Variants in ARID1B observed in about 807,000 individuals in gnomAD.
ARID1B encodes the protein AT-rich interaction domain 1B.
In ARID1B, 30 loss-of-function variants were observed where a neutral mutation model predicts 212.3. The observed-to-expected ratio is 0.14, with a 90% CI of 0.11 to 0.19. The LOEUF is 0.19. ARID1B is among the 10% of genes least tolerant of loss of function. The pLI is 1.00. For synonymous variants in ARID1B, 1,402 were observed against 1,301.7 expected (o/e 1.08, Z -1.66); for missense variants, 2,891 against 3,204.0 (o/e 0.90, Z 2.36).
intron 6 of ARID1B, among the ~76,000 whole-genome samples, chr6:157,130,384 A>G (rs1268873702): frequency 6.6e-6 from 1 of 152,214 alleles, no homozygotes; most frequent in Non-Finnish European, 1.5e-5. Flanking sequence ...ACAGGACTCT[A>G]TCTGAAACAC....
intron 4 of ARID1B, among the ~76,000 whole-genome samples, chr6:157,075,494 A>G (rs930475673): frequency 1.3e-5 from 2 of 152,218 alleles, no homozygotes; most frequent in African/African-American, 4.8e-5. Flanking sequence ...TACATCCACA[A>G]AATTTTTGAT....
At chr6:157,173,171 A>C (rs1583449720) in intron 9 of ARID1B, 1 of 152,206 alleles carries the variant, frequency 6.6e-6, no homozygotes, top group East Asian at 1.9e-4. Flanking sequence ...AGAAATCTAA[A>C]CCCATATTTT....
chr6:157,181,307 T>C (rs940640528), intron 12 of ARID1B, 129 bp downstream of exon 12: 8 of 1,187,938 alleles, frequency 6.7e-6, no homozygotes, highest in Non-Finnish European at 9.3e-6. Context: ...GAAAGTCGCC[T>C]TCTTGCAACC....
rs1164802270 is a variant in ARID1B, at chr6:157,206,970, G to T, written c.6198G>T (p.Lys2066Asn). 1.2e-6 allele frequency: 2 copies of T among 1,614,240 alleles called. No homozygotes were observed. Among genetic ancestry groups the T allele is most frequent in the Admixed American group, 1.7e-5 (1 of 60,024 alleles). ...CGCACTGGCAGGACTCGCTGGCTAA[G>T]CGATGCATCTGTGTGTCCAATATTG... is the stretch of plus-strand genomic sequence containing the variant. ...TIAHWQDSLA[K>N]RCICVSNIVR... Residue 2066 changes from lysine to asparagine, a missense_variant, in exon 20 of 20, where the codon AAG becomes AAT. Physicochemically the swap from Lys to Asn is moderately conservative, Grantham distance 94. Coordinates refer to ENST00000636930, the MANE Select transcript of ARID1B (RefSeq NM_001374828.1). The surrounding 1 kb of genome is among the most constrained non-coding windows in gnomAD (Gnocchi z 6.8).
At chr6:157,192,649 A>G (rs1261560876) in intron 15 of ARID1B, among the ~76,000 whole-genome samples, 1 of 152,216 alleles carries the variant, frequency 6.6e-6, no homozygotes, top group African/African-American at 2.4e-5. Context: ...GAGCCATCCT[A>G]CTTTGGTGAC....
intron 1 of ARID1B, among the ~76,000 whole-genome samples, chr6:156,805,750 A>G (rs541469650): frequency 6.6e-6 from 1 of 152,206 alleles, no homozygotes; most frequent in Admixed American, 6.5e-5. Flanking sequence ...ATTGTAACTC[A>G]CTGCAGCGTG....
chr6:157,163,424 G>A (rs745372426), intron 8 of ARID1B, among the ~76,000 whole-genome samples: 7 of 152,190 alleles, frequency 4.6e-5, no homozygotes, highest in Non-Finnish European at 8.8e-5. Context: ...AATCAGTGGC[G>A]TGCAGTGCGA....
At chr6:157,174,175 C>T (rs535551494) in intron 10 of ARID1B, 58 bp downstream of exon 10, 21 of 1,489,674 alleles carry the variant, frequency 1.4e-5, no homozygotes, top group Admixed American at 8.4e-5. Flanking sequence ...GCTGCCATGT[C>T]GTTCTCTCTT....
intron 11 of ARID1B, among the ~76,000 whole-genome samples, chr6:157,177,876 G>A (rs1792208682): frequency 6.6e-6 from 1 of 152,210 alleles, no homozygotes; most frequent in African/African-American, 2.4e-5. Flanking sequence ...GAGTTTGTTT[G>A]CCTACTGTCA....
At chr6:157,126,281 T>C (rs888788773) in intron 6 of ARID1B, among the ~76,000 whole-genome samples, 8 of 152,188 alleles carry the variant, frequency 5.3e-5, no homozygotes, top group African/African-American at 1.9e-4. Flanking sequence ...GAGCAAGATG[T>C]GCGTTCTTCA....
intron 4 of ARID1B, among the ~76,000 whole-genome samples, chr6:157,016,575 G>A (rs1039609192): frequency 2.1e-4 from 32 of 152,138 alleles, no homozygotes; most frequent in East Asian, 1.3e-3. Context: ...CCTACATCCC[G>A]AAGATGTGCC....
Position 156,779,525 on chromosome 6 carries a change from G to A in ARID1B, c.1791+54G>A, listed in dbSNP as rs1354417559. On this transcript the variant is annotated intron_variant, in intron 1 of 19. Coordinates refer to ENST00000636930, the MANE Select transcript of ARID1B (RefSeq NM_001374828.1). ...CCGCCCGGCGGCCTCGCCGCGCCGC[G>A]AGCCTGAGTTTCTTTCTTTGCCGCG... 12 of 1,250,862 alleles carry A rather than the reference G, an allele frequency of 9.6e-6. No individual in the cohort carries two copies. The African/African-American group carries it at 1.1e-4, about 12-fold the overall frequency. The allele number at this position is 1,250,862 out of a possible 1,614,324, so 77.5% of individuals were successfully genotyped here. A position where few individuals can be genotyped will look rare whatever the true frequency, so the allele number is the denominator to read the frequency against.
Position 157,094,770 on chromosome 6 carries a change from G to A in ARID1B, c.2491+9865G>A, listed in dbSNP as rs1400848407. 6.6e-6 allele frequency among the ~76,000 whole-genome samples: 1 copy of A among 152,174 alleles called. No homozygotes were observed. Among genetic ancestry groups the A allele is most frequent in the East Asian group, 1.9e-4 (1 of 5,190 alleles). On this transcript the variant is annotated intron_variant, in intron 5 of 19. Transcript: ENST00000636930. The surrounding 1 kb of genome is among the most constrained non-coding windows in gnomAD (Gnocchi z 4.3). ...GTGGCTGCTAAGTGGACAGTATACT[G>A]TAGGGGAAGGTGGGAGCAGAGACAT...
chr6:156,851,389 T>C (rs1373068400), intron 2 of ARID1B, among the ~76,000 whole-genome samples: 1 of 152,236 alleles, frequency 6.6e-6, no homozygotes, highest in Non-Finnish European at 1.5e-5. Context: ...ATTTAGGAAA[T>C]AACAATGAAG....
chr6:156,901,547 G>A (rs1441238997), intron 3 of ARID1B, 22 bp downstream of exon 3: 16 of 1,605,426 alleles, frequency 1.0e-5, no homozygotes, highest in East Asian at 2.2e-5. Context: ...GCACTGCCCC[G>A]CAGGGCCCTG....
chr6:157,019,275 C>A (rs1306026560), intron 4 of ARID1B, among the ~76,000 whole-genome samples: 1 of 152,132 alleles, frequency 6.6e-6, no homozygotes, highest in Non-Finnish European at 1.5e-5. Context: ...AGGAGAGATG[C>A]GAGTCTCAGT....
In ARID1B at chr6:157,174,864, G is replaced by T; in HGVS notation, c.3363G>T (p.Gln1121His). The T allele has an allele frequency of 6.4e-7, 1 of 1,555,002 alleles. No individual in the cohort carries two copies. Among genetic ancestry groups the T allele is most frequent in the Non-Finnish European group, 8.7e-7 (1 of 1,150,620 alleles). The change falls in exon 11 of 20, where the codon CAG becomes CAT. Residue 1121 changes from glutamine to histidine, a missense_variant. By Grantham distance (24) the Gln-to-His change is conservative. Coordinates refer to ENST00000636930, the MANE Select transcript of ARID1B (RefSeq NM_001374828.1). The stretch of plus-strand genomic sequence containing the variant: ...TACCACAGGATAGCTACAGCTCTCA[G>T]GGTATTTCTCAGCCCCCAACCCCAG... The part of the protein sequence containing the change: ...ESKSKDSYSS[Q>H]GISQPPTPGN...
chr6:157,159,888 C>G (rs904722467), intron 8 of ARID1B, among the ~76,000 whole-genome samples: 2 of 152,262 alleles, frequency 1.3e-5, no homozygotes, highest in Non-Finnish European at 2.9e-5. Flanking sequence ...AAAGTTACTA[C>G]TGTTCCTTTA....
chr6:157,209,077 A>G lies in ARID1B; in HGVS notation c.*1186A>G, dbSNP rs1194776673. The G allele has an allele frequency of 4.3e-6, 1 of 230,540 alleles. No homozygotes were observed. Among genetic ancestry groups the G allele is most frequent in the Non-Finnish European group, 8.6e-6 (1 of 116,414 alleles). The allele number at this position is 230,540 out of a possible 1,614,324, so 14.3% of individuals were successfully genotyped here. On this transcript the variant is annotated 3_prime_UTR_variant, in exon 20 of 20. Transcript: ENST00000636930. ...ACTAAAAGGAAGAAACACAACTTCA[A>G]AGATTTTTCAGTGATGAGAATCCAC...
Sources: allele counts gnomAD v4.1 joint callset (sites outside exome capture counted in the v4.1 genomes callset), GRCh38; gene constraint gnomAD v4.1.1; non-coding constraint Gnocchi (gnomAD v3.1); transcripts MANE v1.5; gene names NCBI Gene and HGNC (gene_info 2026-07-23, HGNC 2026-07-21).